DNAJC1: variants seen among roughly 807,000 people sequenced by gnomAD.
DNAJC1 encodes dnaJ homolog subfamily C member 1.
In DNAJC1, 58 loss-of-function variants were observed where a neutral mutation model predicts 76.6. The observed-to-expected ratio is 0.76, with a 90% CI of 0.61 to 0.94. The LOEUF (loss-of-function observed/expected upper bound fraction) is 0.94, where lower values mean the gene tolerates loss of function less well. Ranked by LOEUF, DNAJC1 falls within the 40% of genes least tolerant of loss-of-function variation. The probability of loss-of-function intolerance (pLI) is 0.00; values close to 1 mark genes in which losing one functional copy is unlikely to be tolerated. For synonymous variants in DNAJC1, 258 were observed against 267.9 expected (o/e 0.96, Z 0.36); for missense variants, 689 against 677.3 (o/e 1.02, Z -0.19).
chr10:21,780,745 A>G (rs1363662917), intron 9 of DNAJC1, among the ~76,000 whole-genome samples: 2 of 152,194 alleles, frequency 1.3e-5, no homozygotes, highest in Non-Finnish European at 2.9e-5. Context: ...ACACATAACA[A>G]TATTAACCTT....
chr10:21,822,496 GA>G lies in DNAJC1; in HGVS notation c.979-16398del, dbSNP rs1162958804. ...AAATAAATAAATAAATAAATACATG[GA>G]GACGATCTAGTCTTATGCTCTGTTT... is the stretch of plus-strand genomic sequence containing the variant. On this transcript the variant is annotated intron_variant, in intron 8 of 11. Transcript: ENST00000376980. Among the ~76,000 whole-genome samples, 3 of 151,606 alleles carry G rather than the reference GA, an allele frequency of 2.0e-5. No individual in the cohort carries two copies. In the East Asian group the frequency reaches 5.8e-4, roughly 29 times the overall value.
chr10:21,944,430 A>G (rs752370781), intron 1 of DNAJC1, among the ~76,000 whole-genome samples: 3 of 152,162 alleles, frequency 2.0e-5, no homozygotes, highest in Non-Finnish European at 4.4e-5. Flanking sequence ...TTTTCATAGT[A>G]TGGTTTGTAA....
At chr10:21,904,695 A>G in intron 6 of DNAJC1, 83 bp from the exon 7 acceptor site, 1 of 712,314 alleles carries the variant, frequency 1.4e-6, no homozygotes. Context: ...ACTTTAAAGC[A>G]TTATATTCAT....
At chr10:21,980,591 C>T (rs1312636173) in intron 1 of DNAJC1, among the ~76,000 whole-genome samples, 1 of 152,012 alleles carries the variant, frequency 6.6e-6, no homozygotes, top group African/African-American at 2.4e-5. Flanking sequence ...GATTCTGCAC[C>T]AGGAAAAGGA....
intron 8 of DNAJC1, among the ~76,000 whole-genome samples, chr10:21,828,179 A>C (rs1376113997): frequency 6.6e-6 from 1 of 152,242 alleles, no homozygotes; most frequent in Non-Finnish European, 1.5e-5. Flanking sequence ...TAAAACAATA[A>C]GCAATGTATT....
At chr10:21,801,715 C>CAGTGAAT (rs1834816846) in intron 9 of DNAJC1, among the ~76,000 whole-genome samples, 1 of 151,990 alleles carries the variant, frequency 6.6e-6, no homozygotes, top group Admixed American at 6.6e-5. Context: ...CTATTCACAA[C>CAGTGAAT]AGCAAAGGGA....
intron 3 of DNAJC1, among the ~76,000 whole-genome samples, chr10:21,921,253 C>T (rs1427431618): frequency 6.6e-6 from 1 of 151,864 alleles, no homozygotes; most frequent in Non-Finnish European, 1.5e-5. Flanking sequence ...AAAGGAGCTA[C>T]GTGTAGTCTA....
At chr10:21,921,723 G>C (rs2131772061) in intron 3 of DNAJC1, among the ~76,000 whole-genome samples, 1 of 152,100 alleles carries the variant, frequency 6.6e-6, no homozygotes, top group African/African-American at 2.4e-5. Context: ...TTAAAAAGCT[G>C]ATGCATTTTA....
chr10:21,790,818 C>A (rs1389640824), intron 9 of DNAJC1, among the ~76,000 whole-genome samples: 1 of 151,984 alleles, frequency 6.6e-6, no homozygotes, highest in African/African-American at 2.4e-5. Context: ...AAAAAAGATA[C>A]CTAAAACAAC....
chr10:21,834,825 C>T (rs569681935), intron 8 of DNAJC1, among the ~76,000 whole-genome samples: 1 of 152,298 alleles, frequency 6.6e-6, no homozygotes, highest in East Asian at 1.9e-4. Flanking sequence ...ACAAAGCAGC[C>T]AGGAAGCTCG....
In DNAJC1 at chr10:21,929,143, T is replaced by C; in HGVS notation, c.223-2A>G. 1 of 1,602,958 alleles carries C rather than the reference T, an allele frequency of 6.2e-7. No homozygotes were observed. Among genetic ancestry groups the C allele is most frequent in the Non-Finnish European group, 8.5e-7 (1 of 1,173,066 alleles). On this transcript the variant is annotated splice_acceptor_variant, in intron 1 of 11. Coordinates refer to ENST00000376980, the MANE Select transcript of DNAJC1 (RefSeq NM_022365.4). LOFTEE classifies it high-confidence loss of function. ...TCTGATGTCTGCAGATGATGCATCC[T>C]GGAGGTGGTAGGGGGAGGGGAAAAT...
At chr10:21,928,396 C>T (rs1165028132) in intron 3 of DNAJC1, 110 bp downstream of exon 3, 1 of 1,016,896 alleles carries the variant, frequency 9.8e-7, no homozygotes, top group South Asian at 1.6e-5. Flanking sequence ...TCGGAAGGAA[C>T]AAAAATAAAA....
intron 7 of DNAJC1, among the ~76,000 whole-genome samples, chr10:21,903,821 T>A (rs1354278215): frequency 6.6e-6 from 1 of 151,762 alleles, no homozygotes; most frequent in Non-Finnish European, 1.5e-5. Context: ...GGGTGGGGGG[T>A]TGGAAATCAG....
intron 10 of DNAJC1, among the ~76,000 whole-genome samples, chr10:21,761,401 A>G (rs1385556146): frequency 6.6e-6 from 1 of 152,052 alleles, no homozygotes; most frequent in Non-Finnish European, 1.5e-5. Flanking sequence ...CTCTACAAAA[A>G]TGCAAAAATT....
intron 8 of DNAJC1, among the ~76,000 whole-genome samples, chr10:21,841,134 T>C (rs1186217787): frequency 6.6e-6 from 1 of 152,156 alleles, no homozygotes; most frequent in Admixed American, 6.5e-5. Flanking sequence ...ATGTTAGACC[T>C]AAAACCATAA....
At chr10:21,842,328 G>T (rs1167109833) in intron 8 of DNAJC1, among the ~76,000 whole-genome samples, 1 of 151,962 alleles carries the variant, frequency 6.6e-6, no homozygotes, top group Non-Finnish European at 1.5e-5. Context: ...AGTATTAGCA[G>T]GCATGAGATA....
In DNAJC1 at chr10:21,786,451, TATATATATATATAGAGAGAGAG is replaced by T. The variant is rs1298258261; in HGVS notation, c.1098+19507_1098+19528del. Among the ~76,000 whole-genome samples, 14 of 95,738 alleles carry T rather than the reference TATATATATATATAGAGAGAGAG, an allele frequency of 1.5e-4. No homozygotes were observed. The East Asian group carries it at 2.2e-3, about 15-fold the overall frequency. 62.8% of individuals were successfully genotyped at this position (95,738 alleles called of 152,430 possible). ...GAATATATATATATATATATATATA[TATATATATATATAGAGAGAGAG>T]AGAGAGAGAGAGAGAGAGAGAGAGA... On this transcript the variant is annotated intron_variant, in intron 9 of 11. Coordinates refer to ENST00000376980, the MANE Select transcript of DNAJC1 (RefSeq NM_022365.4).
intron 6 of DNAJC1, among the ~76,000 whole-genome samples, chr10:21,906,893 C>T (rs1039756726): frequency 6.6e-6 from 1 of 152,122 alleles, no homozygotes; most frequent in Non-Finnish European, 1.5e-5. Context: ...TTTATTATTA[C>T]TTCTACCAAT....
intron 7 of DNAJC1, among the ~76,000 whole-genome samples, chr10:21,899,251 C>T (rs971315227): frequency 2.0e-5 from 3 of 152,208 alleles, no homozygotes; most frequent in African/African-American, 7.2e-5. Context: ...GAGAGTTTTA[C>T]ATACTCCAGC....
Sources: allele counts gnomAD v4.1 joint callset (sites outside exome capture counted in the v4.1 genomes callset), GRCh38; gene constraint gnomAD v4.1.1; transcripts MANE v1.5; gene names NCBI Gene and HGNC (gene_info 2026-07-23, HGNC 2026-07-21).